FAT3: variants seen among roughly 807,000 people sequenced by gnomAD.
FAT3 encodes the protein FAT atypical cadherin 3, also known as protocadherin Fat 3.
Under a neutral mutation model 310.2 loss-of-function variants are expected in FAT3, and 95 were observed. That is an observed-to-expected ratio of 0.31 (90% CI 0.26 to 0.36). The LOEUF (loss-of-function observed/expected upper bound fraction) is 0.36. Among genes scored for constraint, FAT3 ranks in the 10% least tolerant of loss-of-function variants. The pLI is 1.00. For synonymous variants in FAT3, 2,314 were observed against 2,192.9 expected, an observed-to-expected ratio of 1.06 and a Z score of -1.54; for missense variants, 5,408 against 5,715.6, an observed-to-expected ratio of 0.95 and a Z score of 1.74.
At chr11:92,880,989 C>A in intron 23 of FAT3, 105 bp downstream of exon 23, 1 of 1,273,624 alleles carries the variant, frequency 7.9e-7, no homozygotes, top group Non-Finnish European at 1.1e-6. Flanking sequence ...ATAGTACAGG[C>A]AAAGGGTTAA....
Position 92,513,227 on chromosome 11 carries a change from A to C in FAT3, c.3293-11407A>C, listed in dbSNP as rs183725061. Among the ~76,000 whole-genome samples, 14 of 151,568 alleles carry C rather than the reference A, an allele frequency of 9.2e-5. No individual in the cohort carries two copies. The East Asian group carries it at 2.7e-3, about 29-fold the overall frequency. ...TGTCCATATATTTCAGACTGACAGCAATTACAGATATGACTATAGGAGTGA... is the reference window on the plus strand; with the variant it reads ...TGTCCATATATTTCAGACTGACAGCCATTACAGATATGACTATAGGAGTGA... On this transcript the variant is annotated intron_variant, in intron 2 of 27. Transcript: ENST00000525166.
intron 2 of FAT3, among the ~76,000 whole-genome samples, chr11:92,458,134 GC>G (rs1951544074): frequency 6.6e-6 from 1 of 152,134 alleles, no homozygotes; most frequent in East Asian, 1.9e-4. Flanking sequence ...TTTCTTTCCT[GC>G]TATGGTAAAC....
chr11:92,751,800 G>C (rs1048063224), intron 4 of FAT3, among the ~76,000 whole-genome samples: 2 of 152,134 alleles, frequency 1.3e-5, no homozygotes, highest in African/African-American at 2.4e-5. Context: ...GCGCAGGGTA[G>C]GGAAAAGAGC....
intron 4 of FAT3, among the ~76,000 whole-genome samples, chr11:92,751,059 C>A (rs1374222225): frequency 2.0e-5 from 3 of 152,156 alleles, no homozygotes; most frequent in Admixed American, 6.5e-5. Flanking sequence ...AATTGCCATC[C>A]CTGCACAGGA....
chr11:92,676,137 A>C (rs1943282166), intron 3 of FAT3, among the ~76,000 whole-genome samples: 1 of 152,148 alleles, frequency 6.6e-6, no homozygotes, highest in Admixed American at 6.5e-5. Context: ...GGCTTACAAT[A>C]ATTGTTGTTA....
In FAT3 at chr11:92,844,404, C is replaced by G. The variant is rs1948632316; in HGVS notation, c.11037C>G (p.Thr3679=). The G allele has an allele frequency of 6.2e-7, 1 of 1,613,810 alleles. No individual in the cohort carries two copies. Among genetic ancestry groups the G allele is most frequent in the Non-Finnish European group, 8.5e-7 (1 of 1,179,902 alleles). The change falls in exon 19 of 28, where the codon ACC becomes ACG. Residue 3679 remains threonine, a synonymous_variant. Transcript: ENST00000525166. The part of the protein sequence containing the change: ...FRRTLRNAVL[T]QKQDSLRIIS... ...GCACCCTGCGGAATGCAGTCCTCACCCAGAAGCAGGACAGCCTGCGCATCA... is the reference window on the plus strand; with the variant it reads ...GCACCCTGCGGAATGCAGTCCTCACGCAGAAGCAGGACAGCCTGCGCATCA...
intron 3 of FAT3, among the ~76,000 whole-genome samples, chr11:92,558,359 G>A (rs1007433670): frequency 1.4e-4 from 22 of 151,930 alleles, no homozygotes; most frequent in African/African-American, 5.3e-4. Flanking sequence ...GCCAAAGTGT[G>A]AGTGTGGTAT....
chr11:92,354,355 T>C lies in FAT3; in HGVS notation c.2243T>C (p.Ile748Thr). The C allele has an allele frequency of 6.2e-7, 1 of 1,613,902 alleles. No homozygotes were observed. The highest frequency in any genetic ancestry group is 1.1e-5 in the South Asian group (1 of 91,076). Reference protein sequence around the residue: ...DLPVGANILKIKAYDADSGFN... With the variant: ...DLPVGANILKTKAYDADSGFN... ...CCAGTTGGTGCTAACATTCTGAAGA[T>C]TAAAGCCTATGATGCCGACTCTGGC... The change falls in exon 2 of 28, where the codon ATT (isoleucine) becomes ACT (threonine). Residue 748 changes from isoleucine (I) to threonine (T), a missense_variant. Coordinates refer to ENST00000525166, the MANE Select transcript of FAT3 (RefSeq NM_001367949.2).
intron 14 of FAT3, among the ~76,000 whole-genome samples, chr11:92,834,171 A>G (rs575142985): frequency 6.6e-6 from 1 of 152,342 alleles, no homozygotes; most frequent in African/African-American, 2.4e-5. Flanking sequence ...ATATAGCACC[A>G]ACACCCAGCT....
chr11:92,721,705 C>T (rs1174227349), intron 4 of FAT3, among the ~76,000 whole-genome samples: 1 of 152,110 alleles, frequency 6.6e-6, no homozygotes, highest in East Asian at 1.9e-4. Flanking sequence ...CTGATAAAGA[C>T]ATAACTGAGA....
chr11:92,367,178 A>T, intron 2 of FAT3: 2 of 329,272 alleles, frequency 6.1e-6, no homozygotes, highest in Non-Finnish European at 1.2e-5. Context: ...GCATTGTACC[A>T]CCCACTGAAG....
At chr11:92,848,938 A>G (rs529816800) in intron 19 of FAT3, among the ~76,000 whole-genome samples, 2 of 152,258 alleles carry the variant, frequency 1.3e-5, no homozygotes, top group African/African-American at 4.8e-5. Context: ...GAGCCAAGGC[A>G]TGGAGTTAAG....
chr11:92,504,322 A>G (rs1002826756), intron 2 of FAT3, among the ~76,000 whole-genome samples: 5 of 152,030 alleles, frequency 3.3e-5, no homozygotes, highest in Non-Finnish European at 7.4e-5. Context: ...AATGGTTCCT[A>G]GCTACTACTA....
chr11:92,583,096 A>C (rs1345549437), intron 3 of FAT3, among the ~76,000 whole-genome samples: 1 of 151,948 alleles, frequency 6.6e-6, no homozygotes, highest in Non-Finnish European at 1.5e-5. Context: ...CAAAAAAAAA[A>C]ACTACTCATT....
intron 1 of FAT3, among the ~76,000 whole-genome samples, chr11:92,285,411 G>A (rs956647326): frequency 6.6e-6 from 1 of 152,132 alleles, no homozygotes; most frequent in Non-Finnish European, 1.5e-5. Context: ...GTGGAAAAAA[G>A]CGAATATGCT....
At chr11:92,818,810 T>A (rs1359115355) in intron 13 of FAT3, among the ~76,000 whole-genome samples, 1 of 152,176 alleles carries the variant, frequency 6.6e-6, no homozygotes, top group African/African-American at 2.4e-5. Flanking sequence ...TAAGGCCACA[T>A]TTTCCTTCTC....
chr11:92,833,640 G>A (rs374209125), intron 14 of FAT3, among the ~76,000 whole-genome samples: 34 of 152,264 alleles, frequency 2.2e-4, no homozygotes, highest in African/African-American at 7.9e-4. Flanking sequence ...CTGGCCCGTG[G>A]TAAGTATTGG....
In FAT3 at chr11:92,697,395, A is replaced by G. The variant is rs1361672140; in HGVS notation, c.3619A>G (p.Thr1207Ala). 3 of 1,613,722 alleles carry G rather than the reference A, an allele frequency of 1.9e-6. No homozygotes were observed. The highest frequency in any genetic ancestry group is 8.5e-7 in the Non-Finnish European group (1 of 1,179,814). The change falls in exon 4 of 28, where the codon ACA becomes GCA. Residue 1207 changes from threonine (T) to alanine (A), a missense_variant. Physicochemically the swap from Thr to Ala is moderately conservative, Grantham distance 58 (BLOSUM62 0). This residue lies in a region of FAT3 where 4,588 missense variants were observed against 4,809.8 expected (regional missense o/e 0.95). Transcript: ENST00000525166. ...AINIKTGLIT[T>A]TSRKLDREQQ... ...TCATTTCTACACAGGTCTGATTACA[A>G]CAACTTCAAGGAAATTGGATCGAGA...
intron 2 of FAT3, among the ~76,000 whole-genome samples, chr11:92,511,470 G>C (rs1237427650): frequency 1.3e-5 from 2 of 152,054 alleles, no homozygotes; most frequent in Non-Finnish European, 2.9e-5. Context: ...CAAATGTTAT[G>C]ATGTTATCCT....
Sources: gnomAD v4.1 joint callset for allele counts (sites outside exome capture counted in the v4.1 genomes callset) on GRCh38, gnomAD v4.1.1 for gene constraint, gnomAD v4.1.1 regional missense constraint, MANE v1.5 for transcripts, NCBI Gene and HGNC (gene_info 2026-07-23, HGNC 2026-07-21) for gene names.